The following NCAM2 variants were observed in gnomAD, a reference collection of about 807,000 sequenced individuals.
NCAM2 encodes the protein N-CAM-2.
In NCAM2, 30 loss-of-function variants were observed where a neutral mutation model predicts 98.1. That is an observed-to-expected ratio of 0.31 (90% CI 0.23 to 0.41). The LOEUF is 0.41. Ranked by LOEUF, NCAM2 falls within the 10% of genes least tolerant of loss-of-function variation. The pLI is 1.00. For synonymous variants in NCAM2, 368 were observed against 342.4 expected, an observed-to-expected ratio of 1.07 and a Z score of -0.83; for missense variants, 867 against 1,005.8, an observed-to-expected ratio of 0.86 and a Z score of 1.87.
chr21:21,320,715 A>G (rs2147778275), intron 5 of NCAM2, among the ~76,000 whole-genome samples: 1 of 152,328 alleles, frequency 6.6e-6, no homozygotes, highest in South Asian at 2.1e-4. Context: ...TTGAGAGGCT[A>G]TATAATATTA....
intron 1 of NCAM2, chr21:21,226,520 C>T (rs886775174): frequency 1.3e-5 from 2 of 151,982 alleles, no homozygotes; most frequent in African/African-American, 4.8e-5. Flanking sequence ...TTAACACAGG[C>T]AGTTTTGTTG....
chr21:21,527,148 G>A (rs927480411), intron 16 of NCAM2, among the ~76,000 whole-genome samples: 4 of 147,210 alleles, frequency 2.7e-5, no homozygotes, highest in African/African-American at 5.0e-5. Context: ...GTCTCGCTCT[G>A]TTGCCCAGGC....
chr21:21,431,158 T>C (rs968382331), intron 11 of NCAM2, among the ~76,000 whole-genome samples: 2 of 148,096 alleles, frequency 1.4e-5, no homozygotes, highest in Non-Finnish European at 3.0e-5. Flanking sequence ...TACATATATA[T>C]ATATTCCCTC....
intron 12 of NCAM2, among the ~76,000 whole-genome samples, chr21:21,450,967 A>G (rs1980972912): frequency 1.3e-5 from 2 of 152,108 alleles, no homozygotes; most frequent in East Asian, 1.9e-4. Flanking sequence ...GAATATATAT[A>G]TATATAGGTC....
chr21:21,331,517 C>CTCTCTCTCTCTCTATATATATA lies in NCAM2; in HGVS notation c.738-3987_738-3986insCTCTCTCTCTCTATATATATAT, dbSNP rs1483062198. Among the ~76,000 whole-genome samples the CTCTCTCTCTCTCTATATATATA allele has an allele frequency of 4.3e-3, 30 of 6,938 alleles. 3 individuals are homozygous for CTCTCTCTCTCTCTATATATATA. Among genetic ancestry groups the CTCTCTCTCTCTCTATATATATA allele is most frequent in the East Asian group, 0.016 (7 of 444 alleles). 4.6% of individuals were successfully genotyped at this position (6,938 alleles called of 152,430 possible). ...TATATATACTCTATACTCTCTCTCT[C>CTCTCTCTCTCTCTATATATATA]TATATATATATATATATACTCTATA... On this transcript the variant is annotated intron_variant, in intron 6 of 17. Coordinates refer to ENST00000400546, the MANE Select transcript of NCAM2 (RefSeq NM_004540.5).
chr21:21,083,270 G>C (rs1254817291), intron 1 of NCAM2, among the ~76,000 whole-genome samples: 1 of 152,068 alleles, frequency 6.6e-6, no homozygotes, highest in African/African-American at 2.4e-5. Context: ...GTATTTGGTG[G>C]TACTTATTAC....
At chr21:21,026,766 G>A (rs1419946354) in intron 1 of NCAM2, among the ~76,000 whole-genome samples, 1 of 151,810 alleles carries the variant, frequency 6.6e-6, no homozygotes, top group Non-Finnish European at 1.5e-5. Flanking sequence ...CTCATTTTGT[G>A]GAGAAAATAT....
At chr21:21,082,152 C>A (rs1038355988) in intron 1 of NCAM2, among the ~76,000 whole-genome samples, 1 of 148,724 alleles carries the variant, frequency 6.7e-6, no homozygotes, top group Non-Finnish European at 1.5e-5. Context: ...CGCTTGAACC[C>A]GGGAGGCAGA....
intron 1 of NCAM2, among the ~76,000 whole-genome samples, chr21:21,081,302 G>A (rs1034802706): frequency 1.3e-5 from 2 of 152,130 alleles, no homozygotes; most frequent in South Asian, 2.1e-4. Context: ...AAGCTACTGA[G>A]TTTCAGGTGT....
chr21:21,462,081 T>A (rs764880091), intron 12 of NCAM2, among the ~76,000 whole-genome samples: 5 of 152,096 alleles, frequency 3.3e-5, no homozygotes, highest in Non-Finnish European at 7.4e-5. Flanking sequence ...AGTGAGAAAC[T>A]TGAGGGACTT....
intron 11 of NCAM2, among the ~76,000 whole-genome samples, chr21:21,419,483 T>C (rs1398326143): frequency 6.7e-6 from 1 of 150,282 alleles, no homozygotes; most frequent in African/African-American, 2.5e-5. Context: ...TAGCATTAGG[T>C]ATATCTCCTA....
At position 21,516,119 on chromosome 21, in the gene NCAM2, G is replaced by A. The variant is rs117048630; in HGVS notation, c.2282+7064G>A. Reference sequence around the variant, plus strand: ...TTTTAGAAAACAAAAGGAACAAAAGGCATCCTACCCTTGCAATTACTCCCC... The same window carrying A: ...TTTTAGAAAACAAAAGGAACAAAAGACATCCTACCCTTGCAATTACTCCCC... On this transcript the variant is annotated intron_variant, in intron 16 of 17. Coordinates refer to ENST00000400546, the MANE Select transcript of NCAM2 (RefSeq NM_004540.5). Among the ~76,000 whole-genome samples, 226 of 152,090 alleles carry A rather than the reference G, an allele frequency of 1.5e-3. 6 individuals are homozygous for A. The East Asian group carries it at 0.042, about 28-fold the overall frequency.
At chr21:21,164,195 C>T (rs1372058454) in intron 1 of NCAM2, among the ~76,000 whole-genome samples, 2 of 152,138 alleles carry the variant, frequency 1.3e-5, no homozygotes, top group Non-Finnish European at 2.9e-5. Context: ...AGTACTGTAA[C>T]TTACAGAATT....
intron 1 of NCAM2, among the ~76,000 whole-genome samples, chr21:21,086,065 A>T (rs2065900056): frequency 6.6e-6 from 1 of 152,218 alleles, no homozygotes; most frequent in African/African-American, 2.4e-5. Context: ...TTGTTATAGG[A>T]ATACATTGAA....
intron 1 of NCAM2, among the ~76,000 whole-genome samples, chr21:21,263,211 A>G (rs968857534): frequency 2.6e-5 from 4 of 152,132 alleles, no homozygotes; most frequent in African/African-American, 7.2e-5. Flanking sequence ...TATGCCAACA[A>G]TGCTGAAGCA....
At chr21:21,346,216 A>G (rs2075183645) in intron 8 of NCAM2, among the ~76,000 whole-genome samples, 1 of 151,722 alleles carries the variant, frequency 6.6e-6, no homozygotes, top group African/African-American at 2.4e-5. Context: ...ACCAAAAAAA[A>G]AAAAAAAACA....
intron 1 of NCAM2, among the ~76,000 whole-genome samples, chr21:21,022,558 T>C (rs1287789465): frequency 6.6e-6 from 1 of 152,154 alleles, no homozygotes; most frequent in African/African-American, 2.4e-5. Context: ...CTGCTAAAAC[T>C]GTTATACTAG....
At chr21:21,442,481 GT>G (rs1979450001) in intron 12 of NCAM2, among the ~76,000 whole-genome samples, 1 of 152,134 alleles carries the variant, frequency 6.6e-6, no homozygotes, top group South Asian at 2.1e-4. Context: ...ATCTTGTTTG[GT>G]GAGTGGAAAT....
In NCAM2 at chr21:21,502,048, A is replaced by T. The variant is rs1987671143; in HGVS notation, c.2078-6803A>T. 2.0e-5 allele frequency among the ~76,000 whole-genome samples: 3 copies of T among 152,052 alleles called. No homozygotes were observed. The South Asian group carries it at 6.2e-4, about 31-fold the overall frequency. ...TTTCTACTGACTAAAGTATTTTGCG[A>T]GAAAAATTTTGCCTAGTTGTTTTGC... is the stretch of plus-strand genomic sequence containing the variant. On this transcript the variant is annotated intron_variant, in intron 15 of 17. Coordinates refer to ENST00000400546, the MANE Select transcript of NCAM2 (RefSeq NM_004540.5).
Sources: allele counts gnomAD v4.1 joint callset (sites outside exome capture counted in the v4.1 genomes callset), GRCh38; gene constraint gnomAD v4.1.1; transcripts MANE v1.5; gene names NCBI Gene and HGNC (gene_info 2026-07-23, HGNC 2026-07-21).